The following GSDME variants were observed in gnomAD, a reference collection of about 807,000 sequenced individuals.
GSDME encodes gasdermin E.
GSDME carries 44 observed loss-of-function variants against 47.5 expected under a neutral mutation model. The observed-to-expected ratio is 0.93, with a 90% CI of 0.73 to 1.19. The LOEUF (loss-of-function observed/expected upper bound fraction) is 1.19. GSDME is among the 50% of genes most tolerant of loss of function. The probability of loss-of-function intolerance (pLI) is 0.00; values close to 1 mark genes in which losing one functional copy is unlikely to be tolerated. For synonymous variants in GSDME, 258 were observed against 252.8 expected, an observed-to-expected ratio of 1.02 and a Z score of -0.20; for missense variants, 663 against 604.2, an observed-to-expected ratio of 1.10 and a Z score of -1.02.
At chr7:24,734,286 C>T (rs141004629) in intron 3 of GSDME, among the ~76,000 whole-genome samples, 205 of 152,296 alleles carry the variant, frequency 1.3e-3, no homozygotes, top group Middle Eastern at 3.4e-3. Flanking sequence ...CACCCAAGTA[C>T]CTTTGAATAC....
In GSDME at chr7:24,756,416, C is replaced by T. The variant is rs1791018463; in HGVS notation, c.-20+980G>A. ...GTGGCTAGGGGGTTGGGCCCTTTCT[C>T]TCTCAGATCTACCTAATGGTCTGGG... On this transcript the variant is annotated intron_variant, in intron 1 of 9. Transcript: ENST00000645220. This position sits in a 1 kb window ranked among gnomAD's most constrained non-coding sequence, Gnocchi z 4.2. Among the ~76,000 whole-genome samples, 1 of 152,110 alleles carries T rather than the reference C, an allele frequency of 6.6e-6. No homozygotes were observed. The highest frequency in any genetic ancestry group is 6.5e-5 in the Admixed American group (1 of 15,280).
At chr7:24,779,339 C>A in the GSDME span, among the ~76,000 whole-genome samples, 6 of 152,146 alleles carry the variant, frequency 3.9e-5, no homozygotes, top group African/African-American at 1.4e-4. This position sits in a 1 kb window ranked among gnomAD's most constrained non-coding sequence, Gnocchi z 6.0. Flanking sequence ...TTAACTTATT[C>A]TTGAGAAGGA....
rs1789044496 is a variant in GSDME at position 24,705,205 on chromosome 7, T to C, written c.1183+979A>G. On this transcript the variant is annotated intron_variant, in intron 8 of 9. Transcript: ENST00000645220. The surrounding 1 kb of genome is among the most constrained non-coding windows in gnomAD (Gnocchi z 4.1). ...TGACAGAATGCCTGTTCTGAAAGAC[T>C]CTAATACCCGGATGTTAACATTGGG... The C allele has an allele frequency of 6.6e-6, 1 of 152,200 alleles. No homozygotes were observed. Among genetic ancestry groups the C allele is most frequent in the African/African-American group, 2.4e-5 (1 of 41,436 alleles). 9.4% of individuals were successfully genotyped at this position (152,200 alleles called of 1,614,324 possible). A position where few individuals can be genotyped will look rare whatever the true frequency, so the allele number is the denominator to read the frequency against.
chr7:24,740,350 G>A (rs1008297007), intron 3 of GSDME, among the ~76,000 whole-genome samples: 1 of 151,730 alleles, frequency 6.6e-6, no homozygotes, highest in Non-Finnish European at 1.5e-5. Context: ...TAGAAAGAAT[G>A]AATAAGATCT....
chr7:24,743,789 CCTT>C (rs1037526586), intron 3 of GSDME, among the ~76,000 whole-genome samples: 1 of 152,234 alleles, frequency 6.6e-6, no homozygotes, highest in African/African-American at 2.4e-5. Context: ...CTCCATAACA[CCTT>C]CTCTGGCCAC....
chr7:24,763,592 A>G, the GSDME span, among the ~76,000 whole-genome samples: 1 of 152,204 alleles, frequency 6.6e-6, no homozygotes, highest in Non-Finnish European at 1.5e-5. This position sits in a 1 kb window ranked among gnomAD's most constrained non-coding sequence, Gnocchi z 4.3. Context: ...GCACAAATGT[A>G]AAATTTATGA....
At chr7:24,793,923 C>A in the GSDME span, among the ~76,000 whole-genome samples, 2 of 152,140 alleles carry the variant, frequency 1.3e-5, no homozygotes, top group Admixed American at 6.5e-5. Context: ...TTTGGGCCAT[C>A]CACGGGTTAC....
chr7:24,765,050 G>A, the GSDME span, among the ~76,000 whole-genome samples: 1 of 152,118 alleles, frequency 6.6e-6, no homozygotes, highest in Non-Finnish European at 1.5e-5. Context: ...TTTGATTAGG[G>A]CCTCACAGAG....
intron 2 of GSDME, among the ~76,000 whole-genome samples, chr7:24,746,096 C>G (rs1790658604): frequency 6.6e-6 from 1 of 152,142 alleles, no homozygotes; most frequent in Admixed American, 6.5e-5. Context: ...CCACTGCAAT[C>G]AAGAAAACCC....
Position 24,719,098 on chromosome 7 carries a change from C to G in GSDME, c.525G>C (p.Gln175His). 6.2e-7 allele frequency: 1 copy of G among 1,613,746 alleles called. No homozygotes were observed. The highest frequency in any genetic ancestry group is 8.5e-7 in the Non-Finnish European group (1 of 1,180,036). The change falls in exon 4 of 10, where the codon CAG (glutamine) becomes CAC (histidine). Residue 175 changes from glutamine to histidine, a missense_variant. Gln to His is a conservative substitution (Grantham distance 24). Transcript: ENST00000645220. The stretch of plus-strand genomic sequence containing the variant: ...CGATGCCACCACACTTCTCCTCGAC[C>G]TGCATGTGCTCAGAGATCACACACT... ...MQKCVISEHM[Q>H]VEEKCGGIVG...
intron 9 of GSDME, among the ~76,000 whole-genome samples, chr7:24,700,988 C>T (rs1294154808): frequency 6.6e-6 from 1 of 152,168 alleles, no homozygotes; most frequent in Admixed American, 6.5e-5. Flanking sequence ...GTGAAGTTAA[C>T]ATTCTCTACT....
rs377290253 is a variant in GSDME at position 24,702,749 on chromosome 7, A to C, written c.1257+11T>G. ...TATCCATTCTAAGGTCCCACCTGGGAGGTTGCTTACCAAGTGGCACAGTGT... is the reference window on the plus strand; with the variant it reads ...TATCCATTCTAAGGTCCCACCTGGGCGGTTGCTTACCAAGTGGCACAGTGT... On this transcript the variant is annotated intron_variant, in intron 9 of 9. Transcript: ENST00000645220. The C allele has an allele frequency of 7.4e-6, 12 of 1,611,944 alleles. No homozygotes were observed. In the African/African-American group the frequency reaches 1.5e-4, roughly 20 times the overall value.
At position 24,726,015 on chromosome 7, in the gene GSDME, C is replaced by G. The variant is rs1276253123; in HGVS notation, c.405-6797G>C. 6.6e-6 allele frequency among the ~76,000 whole-genome samples: 1 copy of G among 152,024 alleles called. No individual in the cohort carries two copies. The highest frequency in any genetic ancestry group is 1.5e-5 in the Non-Finnish European group (1 of 67,998). ...GAGATGGCTGGAAAAGGAGACCAGG[C>G]AGGAGCTGCTGGGAGGCGGCAGGCA... On this transcript the variant is annotated intron_variant, in intron 3 of 9. Transcript: ENST00000645220. This position sits in a 1 kb window ranked among gnomAD's most constrained non-coding sequence, Gnocchi z 5.6.
At position 24,742,477 on chromosome 7, in the gene GSDME, C is replaced by T. The variant is rs1437359514; in HGVS notation, c.404+2085G>A. Among the ~76,000 whole-genome samples, 4 of 152,342 alleles carry T rather than the reference C, an allele frequency of 2.6e-5. No individual in the cohort carries two copies. The East Asian group carries it at 7.7e-4, about 29-fold the overall frequency. ...GCTCCTTTCCTTTCCCTCCCCCACT[C>T]CCTCTTCCTCCACTCAGAACTGTTG... On this transcript the variant is annotated intron_variant, in intron 3 of 9. Coordinates refer to ENST00000645220, the MANE Select transcript of GSDME (RefSeq NM_001127453.2). This position sits in a 1 kb window ranked among gnomAD's most constrained non-coding sequence, Gnocchi z 4.4.
At position 24,744,984 on chromosome 7, in the gene GSDME, C is replaced by CGT. The variant is rs3038357; in HGVS notation, c.212-232_212-231dup. 0.062 allele frequency among the ~76,000 whole-genome samples: 7,364 copies of CGT among 118,942 alleles called. 277 individuals carry two copies. The highest frequency in any genetic ancestry group is 0.092 in the Non-Finnish European group (5,152 of 56,230). The allele number at this position is 118,942 out of a possible 152,430, so 78.0% of individuals were successfully genotyped here. The stretch of plus-strand genomic sequence containing the variant: ...GGGCACACAGTGGACCAGTGCAGCA[C>CGT]GTGTGTGTGTGTGTGTGTGTGTGTG... On this transcript the variant is annotated intron_variant, in intron 2 of 9. Coordinates refer to ENST00000645220, the MANE Select transcript of GSDME (RefSeq NM_001127453.2). The surrounding 1 kb of genome is among the most constrained non-coding windows in gnomAD (Gnocchi z 4.5).
chr7:24,704,979 C>T (rs1789035807), intron 8 of GSDME: 1 of 152,372 alleles, frequency 6.6e-6, no homozygotes, highest in Admixed American at 6.6e-5. Context: ...GGGGCCACCA[C>T]ACCCAGCCAG....
chr7:24,786,196 C>T, the GSDME span, among the ~76,000 whole-genome samples: 1 of 152,188 alleles, frequency 6.6e-6, no homozygotes, highest in Non-Finnish European at 1.5e-5. The surrounding 1 kb of genome is among the most constrained non-coding windows in gnomAD (Gnocchi z 5.5). Context: ...AAAGTCTACC[C>T]ACTAACTAGA....
chr7:24,702,502 A>G, intron 9 of GSDME: 1 of 404,160 alleles, frequency 2.5e-6, no homozygotes, highest in South Asian at 2.0e-5. Flanking sequence ...GAAAAGTATA[A>G]GAGTTGGAGT....
In GSDME at chr7:24,698,805, C is replaced by G. The variant is rs1788739725; in HGVS notation, c.*221G>C. 1 of 574,734 alleles carries G rather than the reference C, an allele frequency of 1.7e-6. No individual in the cohort carries two copies. Among genetic ancestry groups the G allele is most frequent in the East Asian group, 3.0e-5 (1 of 33,326 alleles). 35.6% of individuals were successfully genotyped at this position (574,734 alleles called of 1,614,324 possible). ...GCTCTTTACATGCTGGAACCTAACT[C>G]AGATGCTGGGTCACCAGCACAGGAG... is the stretch of plus-strand genomic sequence containing the variant. On this transcript the variant is annotated 3_prime_UTR_variant, in exon 10 of 10. Coordinates refer to ENST00000645220, the MANE Select transcript of GSDME (RefSeq NM_001127453.2).
Sources: gnomAD v4.1 joint callset for allele counts (sites outside exome capture counted in the v4.1 genomes callset) on GRCh38, gnomAD v4.1.1 for gene constraint, Gnocchi (gnomAD v3.1) non-coding constraint, MANE v1.5 for transcripts, NCBI Gene and HGNC (gene_info 2026-07-23, HGNC 2026-07-21) for gene names.